Variants in DOCK3 observed in about 807,000 individuals in gnomAD.
DOCK3 encodes the protein dedicator of cytokinesis 3, also known as dedicator of cytokinesis protein 3.
A neutral mutation model predicts 265.6 loss-of-function variants in DOCK3; 60 were observed. The observed-to-expected ratio is 0.23, with a 90% CI of 0.18 to 0.28. The LOEUF is 0.28. Ranked by LOEUF, DOCK3 falls within the 10% of genes least tolerant of loss-of-function variation. DOCK3 has a pLI of 1.00. For missense variants in DOCK3, 1,981 were observed against 2,594.3 expected (o/e 0.76, Z 5.14); for synonymous variants, 881 against 938.0 (o/e 0.94, Z 1.11).
At chr3:51,278,288 G>A in intron 26 of DOCK3, 1 of 985,346 alleles carries the variant, frequency 1.0e-6, no homozygotes, top group Non-Finnish European at 1.2e-6. Flanking sequence ...GATCTAATTA[G>A]AAGAGAAACA....
At chr3:51,005,267 A>T (rs920715584) in intron 5 of DOCK3, among the ~76,000 whole-genome samples, 1 of 152,120 alleles carries the variant, frequency 6.6e-6, no homozygotes, top group African/African-American at 2.4e-5. Flanking sequence ...ACTCACCAGT[A>T]ACTTTTATCA....
At chr3:51,304,401 T>TGATGATGACCTCCCCTCCCGCTCAG (rs1447657143) in intron 27 of DOCK3, among the ~76,000 whole-genome samples, 1 of 151,946 alleles carries the variant, frequency 6.6e-6, no homozygotes, top group Non-Finnish European at 1.5e-5. Flanking sequence ...GCAGCTATAG[T>TGATGATGACCTCCCCTCCCGCTCAG]GATGATGACC....
intron 24 of DOCK3, among the ~76,000 whole-genome samples, 157 bp from the exon 25 acceptor site, chr3:51,274,922 C>A (rs2080727328): frequency 6.6e-6 from 1 of 152,168 alleles, no homozygotes. Flanking sequence ...AGGCAGTGAG[C>A]TTTCAGGCCC....
At chr3:51,273,945 G>A (rs2080660572) in intron 24 of DOCK3, among the ~76,000 whole-genome samples, 1 of 152,182 alleles carries the variant, frequency 6.6e-6, no homozygotes, top group African/African-American at 2.4e-5. Context: ...TCCTTGTGAA[G>A]TAAATGTATT....
intron 32 of DOCK3, among the ~76,000 whole-genome samples, chr3:51,318,312 G>A (rs2083483763): frequency 6.6e-6 from 1 of 152,176 alleles, no homozygotes; most frequent in African/African-American, 2.4e-5. Context: ...CCAGGAAAGG[G>A]AGATTGCAGT....
rs1423111440 is a variant in DOCK3, at chr3:51,341,366, A to G, written c.3896A>G (p.His1299Arg). 1 of 1,613,686 alleles carries G rather than the reference A, an allele frequency of 6.2e-7. No individual in the cohort carries two copies. Among genetic ancestry groups the G allele is most frequent in the African/African-American group, 1.3e-5 (1 of 74,936 alleles). The change falls in exon 38 of 53, where the codon CAC becomes CGC. Residue 1299 changes from histidine (H) to arginine (R), a missense_variant. By Grantham distance (29) the His-to-Arg change is conservative. Coordinates refer to ENST00000266037, the MANE Select transcript of DOCK3 (RefSeq NM_004947.5). ...RKEGLCRKII[H>R]YFNKGKSWEF... Reference sequence around the variant, plus strand: ...GAGGGACTGTGCCGGAAGATCATTCACTACTTCAACAAAGGCAAGGTATGC... The same window carrying G: ...GAGGGACTGTGCCGGAAGATCATTCGCTACTTCAACAAAGGCAAGGTATGC...
At chr3:51,326,583 T>G (rs1330424477) in intron 32 of DOCK3, among the ~76,000 whole-genome samples, 1 of 139,998 alleles carries the variant, frequency 7.1e-6, no homozygotes, top group African/African-American at 2.7e-5. Context: ...CCTGGCATGT[T>G]TTGTTGTTGT....
intron 9 of DOCK3, among the ~76,000 whole-genome samples, chr3:51,099,127 G>A (rs751510509): frequency 6.6e-6 from 1 of 152,160 alleles, no homozygotes; most frequent in African/African-American, 2.4e-5. Flanking sequence ...TTCAAATAGG[G>A]TTTAAAGCTA....
intron 2 of DOCK3, among the ~76,000 whole-genome samples, chr3:50,837,246 C>T (rs2045564497): frequency 6.6e-6 from 1 of 152,222 alleles, no homozygotes; most frequent in African/African-American, 2.4e-5. Flanking sequence ...GCACCCTACA[C>T]TCTGCAGTAC....
Position 51,375,787 on chromosome 3 carries a change from G to A in DOCK3, c.5452G>A (p.Gly1818Arg), listed in dbSNP as rs770324158. 10 of 1,613,848 alleles carry A rather than the reference G, an allele frequency of 6.2e-6. No individual in the cohort carries two copies. The African/African-American group carries it at 6.7e-5, about 11-fold the overall frequency. ...GCGAGCCCTGTTCCAGCAAGTGGTC[G>A]GAGCCTGCAAACCCTGCAGTGATCC... ...FQRALFQQVV[G>R]ACKPCSDPNL... Residue 1818 changes from glycine (G) to arginine (R), a missense_variant, in exon 51 of 53, where the codon GGA (glycine) becomes AGA (arginine). Transcript: ENST00000266037.
At chr3:51,068,396 C>T (rs1211003433) in intron 6 of DOCK3, among the ~76,000 whole-genome samples, 2 of 151,846 alleles carry the variant, frequency 1.3e-5, no homozygotes, top group East Asian at 1.9e-4. Context: ...AAAAATTAGC[C>T]GGGCGTGGTG....
intron 5 of DOCK3, among the ~76,000 whole-genome samples, chr3:51,027,728 C>T (rs1457822190): frequency 6.6e-6 from 1 of 152,012 alleles, no homozygotes; most frequent in East Asian, 1.9e-4. Context: ...TTTGGTTTAA[C>T]ATCTGTTGTA....
intron 22 of DOCK3, among the ~76,000 whole-genome samples, chr3:51,249,074 G>C (rs1178958406): frequency 1.8e-4 from 27 of 150,738 alleles, no homozygotes; most frequent in African/African-American, 3.7e-4. Flanking sequence ...GTCTCCGCCC[G>C]GCAGCCACCC....
At chr3:51,335,772 G>T (rs975933722) in intron 35 of DOCK3, among the ~76,000 whole-genome samples, 1 of 152,136 alleles carries the variant, frequency 6.6e-6, no homozygotes, top group Non-Finnish European at 1.5e-5. Flanking sequence ...CAGGCAAATT[G>T]CTTAAGCTCA....
At chr3:51,172,014 T>G (rs2086705188) in intron 12 of DOCK3, among the ~76,000 whole-genome samples, 1 of 152,218 alleles carries the variant, frequency 6.6e-6, no homozygotes, top group Admixed American at 6.5e-5. Context: ...GCTCTAATTT[T>G]GGGTGCAAAT....
intron 22 of DOCK3, among the ~76,000 whole-genome samples, chr3:51,258,298 C>CA (rs1213538750): frequency 2.0e-5 from 3 of 151,930 alleles, no homozygotes; most frequent in African/African-American, 4.8e-5. Flanking sequence ...TTCCACTTCT[C>CA]AAAAAAAACT....
chr3:50,749,819 G>T (rs2039675757), intron 1 of DOCK3, among the ~76,000 whole-genome samples: 1 of 152,200 alleles, frequency 6.6e-6, no homozygotes, highest in Non-Finnish European at 1.5e-5. Context: ...CCTTAAGGTA[G>T]TGTTTAACTG....
intron 2 of DOCK3, among the ~76,000 whole-genome samples, chr3:50,819,772 G>A (rs990075654): frequency 6.6e-6 from 1 of 152,120 alleles, no homozygotes; most frequent in African/African-American, 2.4e-5. Context: ...GACCAGCCTG[G>A]CCAACATGGC....
At chr3:51,104,146 G>A (rs1443648987) in intron 9 of DOCK3, among the ~76,000 whole-genome samples, 1 of 152,106 alleles carries the variant, frequency 6.6e-6, no homozygotes, top group Non-Finnish European at 1.5e-5. Flanking sequence ...TGAATATTTT[G>A]GAAAAGAAGT....
Sources: gnomAD v4.1 joint callset for allele counts (sites outside exome capture counted in the v4.1 genomes callset) on GRCh38, gnomAD v4.1.1 for gene constraint, MANE v1.5 for transcripts, NCBI Gene and HGNC (gene_info 2026-07-23, HGNC 2026-07-21) for gene names.